The following CPQ variants were observed in gnomAD, a reference collection of about 807,000 sequenced individuals.
CPQ encodes carboxypeptidase Q, also known as Ser-Met dipeptidase.
Under a neutral mutation model 45.7 loss-of-function variants are expected in CPQ, and 37 were observed. That is an observed-to-expected ratio of 0.81 (90% CI 0.62 to 1.07). The LOEUF (loss-of-function observed/expected upper bound fraction) is 1.07, where lower values mean the gene tolerates loss of function less well. CPQ is among the 50% of genes least tolerant of loss of function. The pLI is 0.00. For missense variants in CPQ, 537 were observed against 572.9 expected (o/e 0.94, Z 0.64); for synonymous variants, 186 against 205.8 (o/e 0.90, Z 0.82).
chr8:96,715,376 C>T (rs1809660285), intron 1 of CPQ, among the ~76,000 whole-genome samples: 1 of 152,168 alleles, frequency 6.6e-6, no homozygotes, highest in Non-Finnish European at 1.5e-5. Flanking sequence ...AGACAGGTGC[C>T]TCTTTCCATC....
At chr8:96,960,496 A>T (rs898139033) in intron 4 of CPQ, among the ~76,000 whole-genome samples, 19 of 152,300 alleles carry the variant, frequency 1.2e-4, no homozygotes, top group African/African-American at 4.3e-4. Context: ...TTAACATATC[A>T]CACATATGGA....
At chr8:96,674,968 C>T (rs1284833389) in intron 1 of CPQ, among the ~76,000 whole-genome samples, 2 of 151,982 alleles carry the variant, frequency 1.3e-5, no homozygotes, top group Admixed American at 6.6e-5. Flanking sequence ...AAATTTATCC[C>T]GCCTGTCCCT....
At chr8:97,052,238 T>C (rs910517632) in intron 6 of CPQ, among the ~76,000 whole-genome samples, 1 of 152,206 alleles carries the variant, frequency 6.6e-6, no homozygotes, top group African/African-American at 2.4e-5. Flanking sequence ...CAGGTACCTA[T>C]TTGGATTTTT....
At chr8:97,091,976 G>T (rs1811134514) in intron 7 of CPQ, among the ~76,000 whole-genome samples, 1 of 152,012 alleles carries the variant, frequency 6.6e-6, no homozygotes. Context: ...AAATGCCTCT[G>T]GTACCAATAA....
chr8:96,877,677 T>C (rs1009535671), intron 3 of CPQ, among the ~76,000 whole-genome samples: 8 of 152,236 alleles, frequency 5.3e-5, no homozygotes, highest in Admixed American at 5.2e-4. Flanking sequence ...TTATGTATAC[T>C]ATCTCTTTTA....
intron 3 of CPQ, among the ~76,000 whole-genome samples, chr8:96,856,145 T>C (rs1468248440): frequency 6.6e-6 from 1 of 152,164 alleles, no homozygotes; most frequent in East Asian, 1.9e-4. Flanking sequence ...TGGAAATAAG[T>C]TTTAAGCAGA....
intron 6 of CPQ, among the ~76,000 whole-genome samples, chr8:97,042,567 A>T (rs1201230435): frequency 6.6e-6 from 1 of 150,926 alleles, no homozygotes; most frequent in Admixed American, 6.6e-5. Flanking sequence ...AGTTCTTTTA[A>T]TTGTGATGTT....
chr8:96,965,513 G>A (rs1813540800), intron 4 of CPQ, among the ~76,000 whole-genome samples: 1 of 151,780 alleles, frequency 6.6e-6, no homozygotes, highest in African/African-American at 2.4e-5. Flanking sequence ...GGGACTACAG[G>A]CGCCTGCCAC....
intron 2 of CPQ, among the ~76,000 whole-genome samples, chr8:96,798,194 A>G (rs1810960918): frequency 6.6e-6 from 1 of 151,568 alleles, no homozygotes; most frequent in East Asian, 1.9e-4. Flanking sequence ...CAGCAGCACA[A>G]TCATGGTTCA....
chr8:97,057,190 C>T (rs377727777), intron 6 of CPQ, among the ~76,000 whole-genome samples: 11 of 152,282 alleles, frequency 7.2e-5, no homozygotes, highest in African/African-American at 2.4e-4. Flanking sequence ...GTCACCCTAT[C>T]ACTCAAGTTT....
At position 96,764,498 on chromosome 8, in the gene CPQ, G is replaced by A. The variant is rs111313753; in HGVS notation, c.-34-20366G>A. On this transcript the variant is annotated intron_variant, in intron 1 of 7. Transcript: ENST00000220763. ...GTTCATTATTTTAACTGTGATAATG[G>A]TCTTATGGATGTAAACATATGTCAA... Among the ~76,000 whole-genome samples, 178 of 152,220 alleles carry A rather than the reference G, an allele frequency of 1.2e-3. 1 individual carries two copies. The highest frequency in any genetic ancestry group is 3.4e-3 in the African/African-American group (142 of 41,530).
Position 97,120,005 on chromosome 8 carries a change from C to T in CPQ, c.1256-23015C>T, listed in dbSNP as rs76340172. Among the ~76,000 whole-genome samples, 1,139 of 152,322 alleles carry T rather than the reference C, an allele frequency of 7.5e-3. 20 individuals carry two copies. The highest frequency in any genetic ancestry group is 0.055 in the East Asian group (283 of 5,174). On this transcript the variant is annotated intron_variant, in intron 7 of 7. Coordinates refer to ENST00000220763, the MANE Select transcript of CPQ (RefSeq NM_016134.4). ...TTACAGAGCAAATACCAAAGATAGG[C>T]TTGTTTCTGTTAAAACTTGAATTTA...
chr8:96,879,019 A>C (rs1812184859), intron 3 of CPQ, among the ~76,000 whole-genome samples: 1 of 152,214 alleles, frequency 6.6e-6, no homozygotes, highest in Non-Finnish European at 1.5e-5. Flanking sequence ...GGGCAATTTT[A>C]GAAAATGACT....
intron 5 of CPQ, among the ~76,000 whole-genome samples, chr8:97,013,751 C>A (rs992935609): frequency 6.6e-6 from 1 of 152,012 alleles, no homozygotes; most frequent in South Asian, 2.1e-4. Flanking sequence ...GGAGGCAGAT[C>A]GGAATCTATC....
chr8:96,706,227 T>C (rs1809529155), intron 1 of CPQ, among the ~76,000 whole-genome samples: 1 of 152,178 alleles, frequency 6.6e-6, no homozygotes, highest in African/African-American at 2.4e-5. Flanking sequence ...ATTACTTGAT[T>C]TGTGAATTTA....
intron 7 of CPQ, among the ~76,000 whole-genome samples, chr8:97,099,838 A>G (rs917882148): frequency 2.6e-5 from 4 of 152,172 alleles, no homozygotes; most frequent in African/African-American, 9.7e-5. Context: ...TTTCCCCTTA[A>G]AGAATTCCTA....
chr8:96,820,932 T>C (rs753180727), intron 2 of CPQ, among the ~76,000 whole-genome samples: 2 of 152,026 alleles, frequency 1.3e-5, no homozygotes, highest in Non-Finnish European at 2.9e-5. Flanking sequence ...ACCAACAGTG[T>C]ATGAAGGTTC....
At chr8:96,686,458 A>G (rs1809229012) in intron 1 of CPQ, among the ~76,000 whole-genome samples, 1 of 151,918 alleles carries the variant, frequency 6.6e-6, no homozygotes, top group Non-Finnish European at 1.5e-5. Flanking sequence ...TTGAGATGGT[A>G]TTTTAGTTTT....
chr8:97,028,704 C>T (rs1809842905), intron 5 of CPQ, among the ~76,000 whole-genome samples: 2 of 152,126 alleles, frequency 1.3e-5, no homozygotes, highest in Admixed American at 1.3e-4. Flanking sequence ...ACTTCATCTG[C>T]CATAAAATTT....
Sources: allele counts gnomAD v4.1 joint callset (sites outside exome capture counted in the v4.1 genomes callset), GRCh38; gene constraint gnomAD v4.1.1; transcripts MANE v1.5; gene names NCBI Gene and HGNC (gene_info 2026-07-23, HGNC 2026-07-21).